DST: variants seen among roughly 807,000 people sequenced by gnomAD.
DST encodes the protein bullous pemphigoid antigen.
DST carries 253 observed loss-of-function variants against 875.2 expected under a neutral mutation model. The ratio of observed to expected loss-of-function variants is 0.29; its 90% confidence interval spans 0.26 to 0.32. DST has a LOEUF of 0.32. Among genes scored for constraint, DST ranks in the 10% least tolerant of loss-of-function variants. The pLI is 1.00. For synonymous variants in DST, 3,124 were observed against 3,197.1 expected (o/e 0.98, Z 0.77); for missense variants, 8,287 against 9,111.6 (o/e 0.91, Z 3.68).
intron 101 of DST, 26 bp from the exon 102 acceptor site, chr6:56,463,182 T>C (rs766410178): frequency 1.4e-6 from 2 of 1,383,140 alleles, no homozygotes; most frequent in Non-Finnish European, 2.1e-6. Context: ...GCAAATCAAA[T>C]GAAAAGGATA....
At chr6:56,517,703 C>A in intron 69 of DST, 83 bp from the exon 70 acceptor site, 1 of 1,445,158 alleles carries the variant, frequency 6.9e-7, no homozygotes, top group East Asian at 2.5e-5. Context: ...TTGAAATATC[C>A]TTATTACACA....
chr6:56,621,774 C>A (rs2098692469), intron 36 of DST, among the ~76,000 whole-genome samples: 1 of 152,096 alleles, frequency 6.6e-6, no homozygotes, highest in Non-Finnish European at 1.5e-5. Context: ...CTCAAGATCA[C>A]CATAAAATAA....
chr6:56,853,086 T>G (rs1294353272), intron 3 of DST, among the ~76,000 whole-genome samples: 1 of 152,196 alleles, frequency 6.6e-6, no homozygotes, highest in East Asian at 1.9e-4. Flanking sequence ...TTTTAGAAGT[T>G]CACGTAATAT....
chr6:56,551,759 A>G (rs1439606990), intron 61 of DST, among the ~76,000 whole-genome samples: 2 of 152,382 alleles, frequency 1.3e-5, no homozygotes, highest in South Asian at 2.1e-4. Flanking sequence ...GAAGAAATTA[A>G]GAAGGATGAG....
chr6:56,800,461 G>A (rs1397122209), intron 4 of DST, among the ~76,000 whole-genome samples: 2 of 152,040 alleles, frequency 1.3e-5, no homozygotes, highest in Non-Finnish European at 1.5e-5. Context: ...TGTTTCTGAA[G>A]TTTCTCTATG....
At chr6:56,500,538 C>G (rs1395125023) in intron 80 of DST, among the ~76,000 whole-genome samples, 35 of 151,952 alleles carry the variant, frequency 2.3e-4, no homozygotes, top group Admixed American at 2.3e-3. Flanking sequence ...AAAATCCAGT[C>G]AAAGACAAGA....
intron 3 of DST, 99 bp from the exon 4 acceptor site, chr6:56,851,703 C>G: frequency 6.4e-7 from 1 of 1,552,734 alleles, no homozygotes; most frequent in Non-Finnish European, 8.7e-7. Flanking sequence ...CCCTCCCTGC[C>G]CCCAAACTGG....
At chr6:56,901,983 C>T (rs183095542) in intron 2 of DST, among the ~76,000 whole-genome samples, 62 of 152,248 alleles carry the variant, frequency 4.1e-4, no homozygotes, top group Middle Eastern at 3.4e-3. Flanking sequence ...AGACTCTCAG[C>T]GCTAGCAGAT....
intron 7 of DST, among the ~76,000 whole-genome samples, chr6:56,702,228 T>C (rs2099311606): frequency 6.6e-6 from 1 of 152,162 alleles, no homozygotes; most frequent in South Asian, 2.1e-4. Context: ...AAAGAGAAGA[T>C]GTTACAGAAT....
chr6:56,729,902 G>C (rs1328669992), intron 5 of DST, among the ~76,000 whole-genome samples: 1 of 152,196 alleles, frequency 6.6e-6, no homozygotes, highest in Non-Finnish European at 1.5e-5. Flanking sequence ...TGATGGAACA[G>C]TGATAAAATC....
intron 61 of DST, among the ~76,000 whole-genome samples, chr6:56,551,622 T>TA (rs111992842): frequency 3.8e-4 from 57 of 149,038 alleles, no homozygotes; most frequent in Admixed American, 2.4e-3. Context: ...TGTCATGCAA[T>TA]AAAAAAAAAA....
At chr6:56,610,079 T>C (rs946179578) in intron 39 of DST, among the ~76,000 whole-genome samples, 1 of 152,182 alleles carries the variant, frequency 6.6e-6, no homozygotes, top group African/African-American at 2.4e-5. Context: ...AACACATCAA[T>C]GCCACCTTTA....
chr6:56,808,779 T>C (rs1291194609), intron 4 of DST, among the ~76,000 whole-genome samples: 1 of 152,248 alleles, frequency 6.6e-6, no homozygotes, highest in East Asian at 1.9e-4. Context: ...GTGAAACTTT[T>C]ATAATCAGCA....
At chr6:56,765,315 TTA>T (rs928068312) in intron 4 of DST, among the ~76,000 whole-genome samples, 67 of 152,326 alleles carry the variant, frequency 4.4e-4, no homozygotes, top group African/African-American at 1.5e-3. Flanking sequence ...GCCCCCAATT[TTA>T]TGTTTTGAGA....
At chr6:56,940,540 C>A (rs566744820) in intron 2 of DST, among the ~76,000 whole-genome samples, 2 of 151,998 alleles carry the variant, frequency 1.3e-5, no homozygotes, top group African/African-American at 4.8e-5. Context: ...CTTCTGTGGG[C>A]ATCAAGTTGT....
chr6:56,760,759 T>TA (rs1420234795), intron 4 of DST, among the ~76,000 whole-genome samples: 1 of 152,212 alleles, frequency 6.6e-6, no homozygotes, highest in Non-Finnish European at 1.5e-5. Flanking sequence ...TGCCAGGAAT[T>TA]GTTTTGAGTA....
At chr6:56,561,683 T>G (rs371130297) in intron 56 of DST, 134 bp from the exon 57 acceptor site, 2 of 790,144 alleles carry the variant, frequency 2.5e-6, no homozygotes, top group Non-Finnish European at 3.8e-6. Flanking sequence ...GATAAAGTCA[T>G]AAGCTTTTCA....
intron 9 of DST, among the ~76,000 whole-genome samples, chr6:56,689,256 T>C (rs2099210878): frequency 6.6e-6 from 1 of 152,096 alleles, no homozygotes; most frequent in African/African-American, 2.4e-5. Flanking sequence ...CCTCCTTTTA[T>C]AGAAAATGAA....
At chr6:56,650,526 T>A (rs2098969593) in intron 12 of DST, among the ~76,000 whole-genome samples, 1 of 152,174 alleles carries the variant, frequency 6.6e-6, no homozygotes, top group African/African-American at 2.4e-5. Flanking sequence ...GCCAACTTAT[T>A]TCATAGAATC....
Sources: allele counts gnomAD v4.1 joint callset (sites outside exome capture counted in the v4.1 genomes callset), GRCh38; gene constraint gnomAD v4.1.1; transcripts MANE v1.5; gene names NCBI Gene and HGNC (gene_info 2026-07-23, HGNC 2026-07-21).